ARID1B: variants seen among roughly 807,000 people sequenced by gnomAD.
ARID1B encodes the protein AT-rich interactive domain-containing protein 1B.
In ARID1B, 30 loss-of-function variants were observed where a neutral mutation model predicts 212.3. That is an observed-to-expected ratio of 0.14 (90% CI 0.11 to 0.19). ARID1B has a LOEUF of 0.19. Ranked by LOEUF, ARID1B falls within the 10% of genes least tolerant of loss-of-function variation. ARID1B has a pLI of 1.00. For synonymous variants in ARID1B, 1,402 were observed against 1,301.7 expected (o/e 1.08, Z -1.66); for missense variants, 2,891 against 3,204.0 (o/e 0.90, Z 2.36).
chr6:157,062,529 C>T (rs947949269), intron 4 of ARID1B, among the ~76,000 whole-genome samples: 1 of 151,718 alleles, frequency 6.6e-6, no homozygotes, highest in South Asian at 2.1e-4. Context: ...GCTGTAGACA[C>T]GAGTTTGATT....
At chr6:156,992,734 T>C (rs1254738614) in intron 4 of ARID1B, among the ~76,000 whole-genome samples, 1 of 152,156 alleles carries the variant, frequency 6.6e-6, no homozygotes, top group Non-Finnish European at 1.5e-5. Flanking sequence ...CTTGGAAGAC[T>C]GCCCTGGCTA....
Position 157,127,379 on chromosome 6 carries a change from G to A in ARID1B, c.2582-5649G>A, listed in dbSNP as rs118163069. Among the ~76,000 whole-genome samples the A allele has an allele frequency of 8.2e-3, 1,250 of 152,202 alleles. 8 individuals carry two copies. Among genetic ancestry groups the A allele is most frequent in the Non-Finnish European group, 0.013 (862 of 68,008 alleles). ...TCTATAATAGTGACAAGAACTGGCC[G>A]GGCATGGTGCCTCACACCTGTAATC... On this transcript the variant is annotated intron_variant, in intron 6 of 19. Transcript: ENST00000636930.
intron 3 of ARID1B, among the ~76,000 whole-genome samples, chr6:156,913,777 C>T (rs1790111259): frequency 6.7e-6 from 1 of 150,072 alleles, no homozygotes; most frequent in Admixed American, 6.6e-5. Flanking sequence ...CCATTCCACT[C>T]TCCACTCCCC....
Position 157,206,117 on chromosome 6 carries a change from T to A in ARID1B, c.5395-50T>A. The A allele has an allele frequency of 6.4e-7, 1 of 1,568,768 alleles. No individual in the cohort carries two copies. The highest frequency in any genetic ancestry group is 8.7e-7 in the Non-Finnish European group (1 of 1,146,524). On this transcript the variant is annotated intron_variant, in intron 19 of 19. Transcript: ENST00000636930. This position sits in a 1 kb window ranked among gnomAD's most constrained non-coding sequence, Gnocchi z 6.8. ...TTACCCTCCTCGGTCATATCTGATGTCATGACATTGTACCTGTTCTTTCTT... is the reference window on the plus strand; with the variant it reads ...TTACCCTCCTCGGTCATATCTGATGACATGACATTGTACCTGTTCTTTCTT...
chr6:157,002,572 A>G (rs1045546432), intron 4 of ARID1B, among the ~76,000 whole-genome samples: 3 of 152,228 alleles, frequency 2.0e-5, no homozygotes, highest in Admixed American at 6.5e-5. Context: ...TTTATGATCT[A>G]TTTTATGGTT....
At chr6:156,980,664 G>A (rs1341407281) in intron 4 of ARID1B, among the ~76,000 whole-genome samples, 1 of 152,124 alleles carries the variant, frequency 6.6e-6, no homozygotes, top group African/African-American at 2.4e-5. Context: ...GCACTGTTGT[G>A]GCTGAGGATC....
intron 6 of ARID1B, chr6:157,110,890 G>A (rs1313800716): frequency 5.5e-6 from 2 of 360,458 alleles, no homozygotes; most frequent in Admixed American, 3.7e-5. Flanking sequence ...CTCAACTAGG[G>A]TATCAGTCCC....
intron 7 of ARID1B, among the ~76,000 whole-genome samples, chr6:157,134,243 G>A (rs1226475372): frequency 1.3e-5 from 2 of 152,212 alleles, no homozygotes; most frequent in East Asian, 3.9e-4. Context: ...CTGGTTCTCA[G>A]AAAATCGCAT....
chr6:157,086,238 A>C (rs1336128582), intron 5 of ARID1B, among the ~76,000 whole-genome samples: 1 of 152,228 alleles, frequency 6.6e-6, no homozygotes, highest in African/African-American at 2.4e-5. Context: ...TCTAAGATTC[A>C]TCTGTAATTT....
At chr6:157,146,657 C>T (rs532191321) in intron 7 of ARID1B, among the ~76,000 whole-genome samples, 38 of 152,354 alleles carry the variant, frequency 2.5e-4, no homozygotes, top group African/African-American at 8.9e-4. Context: ...CATGCACACA[C>T]ACACACATAC....
intron 2 of ARID1B, among the ~76,000 whole-genome samples, chr6:156,846,904 C>G (rs1784270887): frequency 6.6e-6 from 1 of 152,200 alleles, no homozygotes; most frequent in African/African-American, 2.4e-5. Context: ...CTTTAATTAG[C>G]TTGCTTCTTA....
intron 7 of ARID1B, among the ~76,000 whole-genome samples, chr6:157,134,424 A>G (rs1788772905): frequency 1.3e-5 from 2 of 152,266 alleles, no homozygotes; most frequent in Non-Finnish European, 2.9e-5. Context: ...TGGTAGGAAG[A>G]CTATGGGGAT....
chr6:157,198,781 G>A, intron 16 of ARID1B, 30 bp from the exon 17 acceptor site: 2 of 1,562,064 alleles, frequency 1.3e-6, no homozygotes, highest in South Asian at 2.3e-5. Context: ...CTTTTTCTCA[G>A]TTAAGTTTTC....
intron 8 of ARID1B, among the ~76,000 whole-genome samples, chr6:157,160,952 C>T (rs1205280975): frequency 2.0e-5 from 3 of 152,312 alleles, no homozygotes; most frequent in East Asian, 3.9e-4. Flanking sequence ...CGCATGTGGT[C>T]GCAACTTCGC....
chr6:157,172,266 T>A (rs1791763660), intron 9 of ARID1B, among the ~76,000 whole-genome samples: 1 of 152,152 alleles, frequency 6.6e-6, no homozygotes, highest in African/African-American at 2.4e-5. Flanking sequence ...AACAAGGCGG[T>A]CTTCGCGGTG....
At chr6:156,916,130 A>G (rs529898583) in intron 3 of ARID1B, among the ~76,000 whole-genome samples, 6 of 152,338 alleles carry the variant, frequency 3.9e-5, no homozygotes, top group African/African-American at 1.4e-4. Context: ...ATGTGTTACA[A>G]TGATGGAACA....
intron 1 of ARID1B, among the ~76,000 whole-genome samples, chr6:156,787,987 T>C (rs904149854): frequency 7.2e-5 from 11 of 152,150 alleles, no homozygotes; most frequent in African/African-American, 2.7e-4. Context: ...ATCTGTGGCA[T>C]CTGTATGTGG....
chr6:156,789,208 C>T (rs749407640), intron 1 of ARID1B, among the ~76,000 whole-genome samples: 3 of 152,080 alleles, frequency 2.0e-5, no homozygotes, highest in African/African-American at 4.8e-5. Flanking sequence ...GGTGCTGTGA[C>T]GTTGATGAGA....
At chr6:157,146,222 C>A (rs1263752536) in intron 7 of ARID1B, among the ~76,000 whole-genome samples, 1 of 152,206 alleles carries the variant, frequency 6.6e-6, no homozygotes, top group African/African-American at 2.4e-5. Context: ...ATGAAACCCC[C>A]ATCAAGTGGC....
Sources: allele counts gnomAD v4.1 joint callset (sites outside exome capture counted in the v4.1 genomes callset), GRCh38; gene constraint gnomAD v4.1.1; non-coding constraint Gnocchi (gnomAD v3.1); transcripts MANE v1.5; gene names NCBI Gene and HGNC (gene_info 2026-07-23, HGNC 2026-07-21).